Variants in MPP7 observed in about 807,000 individuals in gnomAD.
MPP7 encodes MAGUK p55 subfamily member 7.
Under a neutral mutation model 76.5 loss-of-function variants are expected in MPP7, and 60 were observed. The observed-to-expected ratio is 0.78, with a 90% CI of 0.64 to 0.97. The LOEUF (loss-of-function observed/expected upper bound fraction) is 0.97. Among genes scored for constraint, MPP7 ranks in the 50% least tolerant of loss-of-function variants. The pLI is 0.00. For missense variants in MPP7, 641 were observed against 694.0 expected (o/e 0.92, Z 0.86); for synonymous variants, 237 against 244.5 (o/e 0.97, Z 0.29).
At chr10:28,153,873 T>C (rs1835962608) in intron 3 of MPP7, among the ~76,000 whole-genome samples, 1 of 152,148 alleles carries the variant, frequency 6.6e-6, no homozygotes, top group Non-Finnish European at 1.5e-5. Flanking sequence ...TACAAAAAAG[T>C]ACTGAAAATT....
At chr10:28,134,968 T>A (rs1473102205) in intron 5 of MPP7, among the ~76,000 whole-genome samples, 3 of 152,006 alleles carry the variant, frequency 2.0e-5, no homozygotes, top group African/African-American at 7.2e-5. Context: ...AGGACCAAGA[T>A]GAGGTTAACA....
chr10:28,232,957 T>C (rs926969242), intron 2 of MPP7, among the ~76,000 whole-genome samples: 1 of 152,254 alleles, frequency 6.6e-6, no homozygotes, highest in South Asian at 2.1e-4. Flanking sequence ...TTTCACATTA[T>C]ATGATGCTTG....
chr10:28,110,652 A>G (rs1349148345), intron 11 of MPP7, among the ~76,000 whole-genome samples: 1 of 152,218 alleles, frequency 6.6e-6, no homozygotes, highest in African/African-American at 2.4e-5. Context: ...TAGTATTTTT[A>G]AGTCACATGA....
chr10:28,183,682 A>G (rs1326780502), intron 3 of MPP7, among the ~76,000 whole-genome samples: 2 of 152,194 alleles, frequency 1.3e-5, no homozygotes, highest in Non-Finnish European at 2.9e-5. Context: ...AGCTACTTGG[A>G]AAGCTGAGAA....
At chr10:28,120,061 T>G in intron 10 of MPP7, 133 bp downstream of exon 10, 2 of 954,898 alleles carry the variant, frequency 2.1e-6, no homozygotes, top group South Asian at 3.8e-5. Context: ...AAAACAGAAA[T>G]CCAAACCCAC....
intron 2 of MPP7, among the ~76,000 whole-genome samples, chr10:28,328,155 T>C (rs72805627): frequency 0.093 from 14,144 of 152,214 alleles, 749 homozygotes; most frequent in Middle Eastern, 0.15. Flanking sequence ...CTCAGTCAGA[T>C]TTAATTCTGA....
intron 11 of MPP7, among the ~76,000 whole-genome samples, chr10:28,110,663 A>G (rs1300131955): frequency 6.6e-6 from 1 of 152,204 alleles, no homozygotes; most frequent in Admixed American, 6.5e-5. Flanking sequence ...AGTCACATGA[A>G]TACTAGGCTA....
At chr10:28,265,785 A>T (rs772240643) in intron 1 of MPP7, among the ~76,000 whole-genome samples, 2 of 152,232 alleles carry the variant, frequency 1.3e-5, no homozygotes, top group Non-Finnish European at 2.9e-5. Context: ...AAATCCAATA[A>T]GCAGAGTAAG....
chr10:28,279,698 C>T (rs549194907), intron 1 of MPP7, among the ~76,000 whole-genome samples: 5 of 149,412 alleles, frequency 3.3e-5, no homozygotes, highest in Admixed American at 2.7e-4. Flanking sequence ...GAGCGAGACG[C>T]TGTCTCAAAA....
intron 1 of MPP7, among the ~76,000 whole-genome samples, chr10:28,330,510 G>A (rs1464609743): frequency 6.6e-6 from 1 of 152,078 alleles, no homozygotes; most frequent in African/African-American, 2.4e-5. Context: ...AAGAGACTGG[G>A]TAAAAGCTTC....
chr10:28,292,853 T>C (rs1840951647), intron 1 of MPP7, among the ~76,000 whole-genome samples: 1 of 152,150 alleles, frequency 6.6e-6, no homozygotes, highest in South Asian at 2.1e-4. Flanking sequence ...AGAGAATGTG[T>C]GTGTCTGTGT....
intron 12 of MPP7, among the ~76,000 whole-genome samples, chr10:28,086,415 G>A (rs945485093): frequency 6.6e-6 from 1 of 152,138 alleles, no homozygotes; most frequent in Non-Finnish European, 1.5e-5. Flanking sequence ...AAGGCCAAAG[G>A]GGAAACAGGG....
chr10:28,052,626 C>T lies in MPP7; in HGVS notation c.*1439G>A, dbSNP rs940733755. 1 of 152,542 alleles carries T rather than the reference C, an allele frequency of 6.6e-6. No individual in the cohort carries two copies. The highest frequency in any genetic ancestry group is 2.4e-5 in the African/African-American group (1 of 41,420). 9.4% of individuals were successfully genotyped at this position (152,542 alleles called of 1,614,324 possible). On this transcript the variant is annotated 3_prime_UTR_variant, in exon 17 of 17. Transcript: ENST00000683449. The stretch of plus-strand genomic sequence containing the variant: ...ATAAAACTACTCTTTTAAATTAGGA[C>T]ATCTTGACATACAATCAGTTTATTT...
upstream of MPP7, chr10:28,303,337 C>T (rs550361365): frequency 2.0e-5 from 3 of 152,424 alleles, no homozygotes; most frequent in South Asian, 6.2e-4. Context: ...TTCCCACTCC[C>T]AGGTGGCTGC....
chr10:28,176,333 T>C (rs1179714021), intron 3 of MPP7, among the ~76,000 whole-genome samples: 1 of 149,292 alleles, frequency 6.7e-6, no homozygotes, highest in Non-Finnish European at 1.5e-5. Flanking sequence ...CCCAGTGCAG[T>C]TGGGTCAAAA....
intron 13 of MPP7, among the ~76,000 whole-genome samples, chr10:28,068,241 A>T (rs942966755): frequency 3.9e-5 from 6 of 152,138 alleles, no homozygotes; most frequent in Non-Finnish European, 8.8e-5. Context: ...ATTAACTTTC[A>T]TCTCTGTTGG....
At chr10:28,319,026 A>G (rs566582484) in intron 2 of MPP7, among the ~76,000 whole-genome samples, 1 of 152,346 alleles carries the variant, frequency 6.6e-6, no homozygotes, top group South Asian at 2.1e-4. Flanking sequence ...GAAATACCTG[A>G]GACTGAGTAA....
At chr10:28,306,955 AATG>A (rs1841261969), upstream of MPP7, among the ~76,000 whole-genome samples, 1 of 152,132 alleles carries the variant, frequency 6.6e-6, no homozygotes, top group African/African-American at 2.4e-5. Context: ...GTGTCAGAGA[AATG>A]ATGTTCCAGA....
At chr10:28,268,006 C>T (rs1840200804) in intron 1 of MPP7, among the ~76,000 whole-genome samples, 1 of 151,982 alleles carries the variant, frequency 6.6e-6, no homozygotes, top group African/African-American at 2.4e-5. Context: ...CTGTACTCCA[C>T]CCAGGCTGGT....
Sources: allele counts gnomAD v4.1 joint callset (sites outside exome capture counted in the v4.1 genomes callset), GRCh38; gene constraint gnomAD v4.1.1; transcripts MANE v1.5; gene names NCBI Gene and HGNC (gene_info 2026-07-23, HGNC 2026-07-21).